LARGE1: variants seen among roughly 807,000 people sequenced by gnomAD.
The protein encoded by LARGE1 is LARGE xylosyl- and glucuronyltransferase 1.
LARGE1 carries 43 observed loss-of-function variants against 87.6 expected under a neutral mutation model. That is an observed-to-expected ratio of 0.49 (90% confidence interval 0.38 to 0.63). The LOEUF is 0.63. Among genes scored for constraint, LARGE1 ranks in the 30% least tolerant of loss-of-function variants. LARGE1 has a pLI of 0.00. For synonymous variants in LARGE1, 434 were observed against 394.6 expected, an observed-to-expected ratio of 1.10 and a Z score of -1.18; for missense variants, 802 against 1,000.2, an observed-to-expected ratio of 0.80 and a Z score of 2.67.
chr22:33,643,276 C>T (rs1408954100), intron 3 of LARGE1, among the ~76,000 whole-genome samples: 1 of 152,126 alleles, frequency 6.6e-6, no homozygotes, highest in African/African-American at 2.4e-5. Context: ...GGAAACTGAA[C>T]AACATGCTCC....
At chr22:33,856,995 A>G (rs2063774633) in intron 1 of LARGE1, among the ~76,000 whole-genome samples, 1 of 152,096 alleles carries the variant, frequency 6.6e-6, no homozygotes, top group South Asian at 2.1e-4. Context: ...CAGTGGCGTG[A>G]TCTCAGTTCA....
chr22:33,314,489 G>C (rs1935940930), intron 11 of LARGE1, among the ~76,000 whole-genome samples: 1 of 152,080 alleles, frequency 6.6e-6, no homozygotes, highest in African/African-American at 2.4e-5. Context: ...TTGCATCCAG[G>C]TGTTTGTTCT....
At chr22:33,889,172 T>C (rs550571772) in intron 1 of LARGE1, 10 of 147,238 alleles carry the variant, frequency 6.8e-5, no homozygotes, top group Non-Finnish European at 1.2e-4. Context: ...ATTCTCCTTT[T>C]AATTTCGTGA....
intron 6 of LARGE1, among the ~76,000 whole-genome samples, chr22:33,443,375 A>G (rs1380756437): frequency 6.6e-6 from 1 of 152,198 alleles, no homozygotes; most frequent in Non-Finnish European, 1.5e-5. Flanking sequence ...GGGCACAGAG[A>G]GGAAGGGGAG....
intron 6 of LARGE1, among the ~76,000 whole-genome samples, chr22:33,456,413 T>C (rs913879099): frequency 1.3e-5 from 2 of 152,190 alleles, no homozygotes; most frequent in African/African-American, 4.8e-5. Flanking sequence ...CAGGCCAATT[T>C]TGGACATATT....
chr22:33,780,213 A>G (rs949061930), intron 1 of LARGE1, among the ~76,000 whole-genome samples: 4 of 152,200 alleles, frequency 2.6e-5, no homozygotes, highest in Non-Finnish European at 5.9e-5. Context: ...CTTCAGGATG[A>G]CCTCAACTAA....
At chr22:33,418,508 CAG>C (rs1210779180) in intron 7 of LARGE1, among the ~76,000 whole-genome samples, 1 of 152,086 alleles carries the variant, frequency 6.6e-6, no homozygotes, top group African/African-American at 2.4e-5. Flanking sequence ...AAATATAAAT[CAG>C]AGTAAAGGGA....
intron 6 of LARGE1, among the ~76,000 whole-genome samples, chr22:33,471,487 T>C (rs2148112760): frequency 6.6e-6 from 1 of 152,316 alleles, no homozygotes; most frequent in South Asian, 2.1e-4. Context: ...CCGATGTGGC[T>C]CTTCACTAAT....
chr22:33,833,964 T>G (rs5754712), intron 1 of LARGE1, among the ~76,000 whole-genome samples: 129,572 of 152,118 alleles, frequency 0.85, 55,317 homozygotes, highest in African/African-American at 0.91. Context: ...TGGGATTACG[T>G]GCAATGAGCC....
intron 2 of LARGE1, among the ~76,000 whole-genome samples, chr22:33,693,297 T>A (rs763666517): frequency 6.6e-6 from 1 of 151,792 alleles, no homozygotes; most frequent in Non-Finnish European, 1.5e-5. Flanking sequence ...CTGGGTACAA[T>A]GTACACTACT....
At chr22:33,236,169 A>C (rs1266163220) in intron 11 of LARGE1, among the ~76,000 whole-genome samples, 1 of 152,132 alleles carries the variant, frequency 6.6e-6, no homozygotes, top group African/African-American at 2.4e-5. Flanking sequence ...TTGACTTTGA[A>C]CTTCTGACCT....
chr22:33,277,024 G>T (rs41302579), intron 14 of LARGE1, 36 bp downstream of exon 14: 1 of 1,600,208 alleles, frequency 6.2e-7, no homozygotes, highest in East Asian at 2.2e-5. Context: ...CCTCTCCCCC[G>T]TCGACCATAC....
At chr22:33,494,477 TAGA>T (rs1569211752) in intron 6 of LARGE1, among the ~76,000 whole-genome samples, 1 of 152,230 alleles carries the variant, frequency 6.6e-6, no homozygotes, top group Non-Finnish European at 1.5e-5. Flanking sequence ...CTCAAAATGG[TAGA>T]AGAAAATGAC....
At chr22:33,640,616 C>T (rs986606772) in intron 3 of LARGE1, among the ~76,000 whole-genome samples, 1 of 152,012 alleles carries the variant, frequency 6.6e-6, no homozygotes, top group Non-Finnish European at 1.5e-5. Context: ...GGGGCTGAAG[C>T]CAGGGAGCCA....
intron 6 of LARGE1, among the ~76,000 whole-genome samples, chr22:33,546,892 C>A (rs1269152277): frequency 6.6e-6 from 1 of 152,118 alleles, no homozygotes; most frequent in Non-Finnish European, 1.5e-5. Context: ...CCCATCTTAT[C>A]CATTCTTACA....
the LARGE1 span, among the ~76,000 whole-genome samples, chr22:33,098,733 G>T: frequency 1.3e-5 from 2 of 152,172 alleles, no homozygotes; most frequent in African/African-American, 4.8e-5. Context: ...TCCTAGAGCT[G>T]GCGTTCTCTA....
intron 1 of LARGE1, among the ~76,000 whole-genome samples, chr22:33,821,957 T>TG (rs1183375088): frequency 6.6e-6 from 1 of 151,424 alleles, no homozygotes; most frequent in Non-Finnish European, 1.5e-5. Flanking sequence ...TTTAGGTTTT[T>TG]TTTTTTTTTT....
chr22:33,601,739 GGGT>G lies in LARGE1; in HGVS notation c.615+2693_615+2695del, dbSNP rs1423849806. 2.0e-5 allele frequency among the ~76,000 whole-genome samples: 3 copies of G among 152,260 alleles called. No individual in the cohort carries two copies. The East Asian group carries it at 5.8e-4, about 29-fold the overall frequency. On this transcript the variant is annotated intron_variant, in intron 5 of 14. Coordinates refer to ENST00000397394, the MANE Select transcript of LARGE1 (RefSeq NM_133642.5). The stretch of plus-strand genomic sequence containing the variant: ...GATGAAGTCTTCGATAGTAGACATC[GGGT>G]TAGAGGACAGGACTCTAGAGACAAT...
At chr22:33,692,606 C>T (rs567196570) in intron 2 of LARGE1, among the ~76,000 whole-genome samples, 5 of 152,304 alleles carry the variant, frequency 3.3e-5, no homozygotes, top group South Asian at 4.1e-4. Flanking sequence ...CCACCGCGCC[C>T]GGCCAATGGC....
Sources: gnomAD v4.1 joint callset for allele counts (sites outside exome capture counted in the v4.1 genomes callset) on GRCh38, gnomAD v4.1.1 for gene constraint, MANE v1.5 for transcripts, NCBI Gene and HGNC (gene_info 2026-07-23, HGNC 2026-07-21) for gene names.